The following ARHGAP44 variants were observed in gnomAD, a reference collection of about 807,000 sequenced individuals.
ARHGAP44 encodes the protein rho GTPase-activating protein 44.
Under a neutral mutation model 106.8 loss-of-function variants are expected in ARHGAP44, and 43 were observed. That is an observed-to-expected ratio of 0.40 (90% CI 0.32 to 0.52). The LOEUF is 0.52. Ranked by LOEUF, ARHGAP44 falls within the 20% of genes least tolerant of loss-of-function variation. ARHGAP44 has a pLI of 0.48. For missense variants in ARHGAP44, 866 were observed against 1,050.5 expected (o/e 0.82, Z 2.43); for synonymous variants, 439 against 410.3 (o/e 1.07, Z -0.85).
At chr17:12,856,631 T>G (rs2035919797) in intron 1 of ARHGAP44, among the ~76,000 whole-genome samples, 1 of 152,172 alleles carries the variant, frequency 6.6e-6, no homozygotes, top group Non-Finnish European at 1.5e-5. Context: ...ATACGGGTTA[T>G]GAAAGTGACC....
intron 3 of ARHGAP44, among the ~76,000 whole-genome samples, chr17:12,900,721 C>A (rs1293922970): frequency 6.6e-6 from 1 of 152,092 alleles, no homozygotes; most frequent in Non-Finnish European, 1.5e-5. Context: ...ATCATACTCA[C>A]AGTGCATTCG....
Position 12,974,320 on chromosome 17 carries a change from G to C in ARHGAP44, c.1763+10G>C. 7.2e-7 allele frequency: 1 copy of C among 1,395,492 alleles called. No homozygotes were observed. Among genetic ancestry groups the C allele is most frequent in the Non-Finnish European group, 9.2e-7 (1 of 1,081,680 alleles). 86.4% of individuals were successfully genotyped at this position (1,395,492 alleles called of 1,614,324 possible). On this transcript the variant is annotated intron_variant, in intron 18 of 20. Transcript: ENST00000379672. ...GGCCCGAGCGCACCAGGTAAGCGCG[G>C]GCCACTGCCGTCCGGGCGGGCTGGT...
intron 1 of ARHGAP44, chr17:12,790,146 C>A (rs1479590917): frequency 8.7e-6 from 4 of 458,460 alleles, no homozygotes; most frequent in Admixed American, 9.1e-5. Flanking sequence ...CCTTTACCTG[C>A]GTCCCCGGCT....
intron 1 of ARHGAP44, among the ~76,000 whole-genome samples, chr17:12,886,721 A>T (rs931578158): frequency 6.6e-6 from 1 of 152,094 alleles, no homozygotes; most frequent in Non-Finnish European, 1.5e-5. Flanking sequence ...ATAGACTATT[A>T]TATCATCTGC....
At chr17:12,941,325 G>T (rs1334689268) in intron 8 of ARHGAP44, among the ~76,000 whole-genome samples, 1 of 151,720 alleles carries the variant, frequency 6.6e-6, no homozygotes, top group African/African-American at 2.4e-5. Context: ...CCCATCCCTC[G>T]GGATTATTGC....
At chr17:12,829,504 C>T (rs535435569) in intron 1 of ARHGAP44, among the ~76,000 whole-genome samples, 15 of 152,230 alleles carry the variant, frequency 9.9e-5, no homozygotes, top group Admixed American at 6.5e-4. Context: ...TCTGGGACCT[C>T]TCTGCACCTC....
intron 1 of ARHGAP44, among the ~76,000 whole-genome samples, chr17:12,805,135 G>A (rs2034233919): frequency 1.3e-5 from 2 of 152,160 alleles, no homozygotes; most frequent in South Asian, 4.1e-4. Context: ...GAGGATCCTA[G>A]AACTGAGACC....
intron 1 of ARHGAP44, among the ~76,000 whole-genome samples, chr17:12,889,537 C>A (rs1487715166): frequency 6.6e-6 from 1 of 152,202 alleles, no homozygotes; most frequent in Non-Finnish European, 1.5e-5. Flanking sequence ...CACTTCTCAA[C>A]ACCACTGCAT....
At chr17:12,858,211 G>A (rs558341005) in intron 1 of ARHGAP44, among the ~76,000 whole-genome samples, 1 of 152,234 alleles carries the variant, frequency 6.6e-6, no homozygotes, top group South Asian at 2.1e-4. Flanking sequence ...AAGACACCCA[G>A]GTCAGCCAAA....
chr17:12,820,644 A>G (rs1340648140), intron 1 of ARHGAP44, among the ~76,000 whole-genome samples: 3 of 152,152 alleles, frequency 2.0e-5, no homozygotes, highest in African/African-American at 4.8e-5. Context: ...TGTTCCCTCA[A>G]CACCACATGG....
intron 4 of ARHGAP44, among the ~76,000 whole-genome samples, chr17:12,909,686 C>A (rs1335069089): frequency 1.3e-5 from 2 of 152,002 alleles, no homozygotes; most frequent in African/African-American, 4.8e-5. Context: ...CATTCTTAAA[C>A]TGAGAAACAT....
At chr17:12,962,844 A>G (rs1175526502) in intron 16 of ARHGAP44, among the ~76,000 whole-genome samples, 1 of 152,084 alleles carries the variant, frequency 6.6e-6, no homozygotes, top group Non-Finnish European at 1.5e-5. Flanking sequence ...CCGAGAGTTC[A>G]AGACCAGCCT....
At chr17:12,925,688 A>G (rs1472911845) in intron 6 of ARHGAP44, among the ~76,000 whole-genome samples, 3 of 152,188 alleles carry the variant, frequency 2.0e-5, no homozygotes, top group African/African-American at 7.2e-5. Context: ...CCAGAGAAGG[A>G]TGGTGGTACA....
intron 1 of ARHGAP44, among the ~76,000 whole-genome samples, chr17:12,806,381 G>A (rs2034273766): frequency 6.6e-6 from 1 of 152,114 alleles, no homozygotes; most frequent in Admixed American, 6.5e-5. Context: ...CTTCATGTTG[G>A]GAATATCATT....
In ARHGAP44 at chr17:12,949,070, T is replaced by C; in HGVS notation, c.862-70T>C. The C allele has an allele frequency of 7.1e-7, 1 of 1,411,174 alleles. No individual in the cohort carries two copies. Among genetic ancestry groups the C allele is most frequent in the Non-Finnish European group, 9.7e-7 (1 of 1,026,366 alleles). 87.4% of individuals were successfully genotyped at this position (1,411,174 alleles called of 1,614,324 possible). On this transcript the variant is annotated intron_variant, in intron 10 of 20. Transcript: ENST00000379672. This position sits in a 1 kb window ranked among gnomAD's most constrained non-coding sequence, Gnocchi z 4.1. ...GGTTTTGGAGAAAAGAAGCAGGCAG[T>C]TGCGGGGTCTCTGCGCTTTGATGTT...
Position 12,952,557 on chromosome 17 carries a change from C to A in ARHGAP44, c.1112C>A (p.Pro371His). 1 of 1,576,494 alleles carries A rather than the reference C, an allele frequency of 6.3e-7. No homozygotes were observed. The highest frequency in any genetic ancestry group is 2.3e-5 in the East Asian group (1 of 43,252). ...CTATGGAATGCTTGTGAAAAGTTGC[C>A]CAAGGCCAATCACAACAACATCCGG... Reference protein sequence around the residue: ...QALWNACEKLPKANHNNIRYL... With the variant: ...QALWNACEKLHKANHNNIRYL... Residue 371 changes from proline (P) to histidine (H), a missense_variant, in exon 13 of 21, where the codon CCC becomes CAC. By Grantham distance (77) the Pro-to-His change is moderately conservative (BLOSUM62 -2). Coordinates refer to ENST00000379672, the MANE Select transcript of ARHGAP44 (RefSeq NM_014859.6).
chr17:12,940,093 A>G (rs550258953), intron 7 of ARHGAP44, among the ~76,000 whole-genome samples: 2 of 152,318 alleles, frequency 1.3e-5, no homozygotes, highest in African/African-American at 4.8e-5. Flanking sequence ...CCTGAAGCAT[A>G]TAGTTACCTG....
At chr17:12,843,044 T>G (rs1162339293) in intron 1 of ARHGAP44, among the ~76,000 whole-genome samples, 1 of 151,772 alleles carries the variant, frequency 6.6e-6, no homozygotes, top group East Asian at 1.9e-4. Context: ...TTCATATAGC[T>G]CTCCTCTCTG....
At chr17:12,970,643 T>C (rs184665177) in intron 16 of ARHGAP44, among the ~76,000 whole-genome samples, 1 of 152,244 alleles carries the variant, frequency 6.6e-6, no homozygotes, top group African/African-American at 2.4e-5. Context: ...TAGGTATCCA[T>C]GCAGGGATGT....
Sources: gnomAD v4.1 joint callset for allele counts (sites outside exome capture counted in the v4.1 genomes callset) on GRCh38, gnomAD v4.1.1 for gene constraint, Gnocchi (gnomAD v3.1) non-coding constraint, MANE v1.5 for transcripts, NCBI Gene and HGNC (gene_info 2026-07-23, HGNC 2026-07-21) for gene names.